The following CNTN5 variants were observed in gnomAD, a reference collection of about 807,000 sequenced individuals.
The protein encoded by CNTN5 is contactin-5.
CNTN5 carries 77 observed loss-of-function variants against 129.1 expected under a neutral mutation model. The ratio of observed to expected loss-of-function variants is 0.60; its 90% CI spans 0.50 to 0.72. The LOEUF is 0.72. Ranked by LOEUF, CNTN5 falls within the 30% of genes least tolerant of loss-of-function variation. CNTN5 has a pLI of 0.00. For missense variants in CNTN5, 1,478 were observed against 1,328.8 expected, an observed-to-expected ratio of 1.11 and a Z score of -1.75; for synonymous variants, 509 against 465.6, an observed-to-expected ratio of 1.09 and a Z score of -1.20.
chr11:99,808,975 A>C (rs1369214891), intron 3 of CNTN5, among the ~76,000 whole-genome samples: 1 of 152,146 alleles, frequency 6.6e-6, no homozygotes, highest in Non-Finnish European at 1.5e-5. Context: ...AATATAAAGA[A>C]GTTTATTTGC....
intron 3 of CNTN5, among the ~76,000 whole-genome samples, chr11:99,664,166 G>A (rs1437724865): frequency 6.6e-6 from 1 of 152,042 alleles, no homozygotes; most frequent in East Asian, 1.9e-4. Context: ...CTTTGGATGT[G>A]GGAAGACATG....
At chr11:99,833,342 A>G (rs1473997622) in intron 4 of CNTN5, among the ~76,000 whole-genome samples, 1 of 152,132 alleles carries the variant, frequency 6.6e-6, no homozygotes, top group Non-Finnish European at 1.5e-5. Context: ...AGGTAGTTTG[A>G]TTTAGAATTT....
chr11:100,256,561 G>A (rs116169592), intron 17 of CNTN5, among the ~76,000 whole-genome samples: 4,277 of 152,150 alleles, frequency 0.028, 185 homozygotes, highest in African/African-American at 0.096. Context: ...TGAGATCAAC[G>A]CAGAAGGTGG....
intron 1 of CNTN5, among the ~76,000 whole-genome samples, chr11:99,310,676 C>G (rs922917127): frequency 3.3e-5 from 5 of 152,050 alleles, no homozygotes; most frequent in Non-Finnish European, 5.9e-5. Flanking sequence ...TACTTTTATT[C>G]AATACACACT....
intron 7 of CNTN5, among the ~76,000 whole-genome samples, chr11:99,941,951 T>C (rs1950448572): frequency 1.3e-5 from 2 of 152,010 alleles, no homozygotes; most frequent in Admixed American, 1.3e-4. Flanking sequence ...AGAAAACACC[T>C]GATTTCACTA....
chr11:99,213,829 C>G (rs549769820), intron 1 of CNTN5, among the ~76,000 whole-genome samples: 4 of 152,072 alleles, frequency 2.6e-5, no homozygotes, highest in Non-Finnish European at 5.9e-5. Context: ...AGGCAGAGAT[C>G]TATCTTTTAC....
At chr11:99,899,795 G>C (rs1409043278) in intron 6 of CNTN5, among the ~76,000 whole-genome samples, 2 of 151,982 alleles carry the variant, frequency 1.3e-5, no homozygotes, top group Non-Finnish European at 2.9e-5. Flanking sequence ...AATAGTTTTA[G>C]TAAGGTTGGT....
At chr11:99,502,420 G>A (rs1014908880) in intron 2 of CNTN5, among the ~76,000 whole-genome samples, 1 of 151,954 alleles carries the variant, frequency 6.6e-6, no homozygotes, top group Non-Finnish European at 1.5e-5. Flanking sequence ...ACGGGGGTTG[G>A]GGGGGTGGTT....
intron 2 of CNTN5, among the ~76,000 whole-genome samples, chr11:99,537,592 C>A (rs1363410675): frequency 1.3e-5 from 2 of 152,128 alleles, no homozygotes; most frequent in East Asian, 3.9e-4. Flanking sequence ...TTCTCATTCT[C>A]TTTAAAAATA....
intron 13 of CNTN5, among the ~76,000 whole-genome samples, chr11:100,132,512 G>A (rs1565272094): frequency 6.6e-6 from 1 of 152,006 alleles, no homozygotes; most frequent in African/African-American, 2.4e-5. Flanking sequence ...AAATTTTAGG[G>A]GTTTTGAGAT....
rs532876780 is a variant in CNTN5, at chr11:100,041,468, A to G, written c.981-19744A>G. Among the ~76,000 whole-genome samples, 8 of 152,342 alleles carry G rather than the reference A, an allele frequency of 5.3e-5. No homozygotes were observed. In the East Asian group the frequency reaches 1.2e-3, roughly 22 times the overall value. On this transcript the variant is annotated intron_variant, in intron 9 of 24. Transcript: ENST00000524871. ...TTGCTGAGTGAACAAATGAATATAC[A>G]TGGCGTTATTTCAGAAATTTCTCTT...
chr11:100,299,128 T>G, intron 19 of CNTN5, 34 bp from the exon 20 acceptor site: 1 of 1,329,920 alleles, frequency 7.5e-7, no homozygotes. Context: ...AATCAATCAT[T>G]TTGCTGATAA....
chr11:100,047,600 A>G (rs7933249), intron 9 of CNTN5, among the ~76,000 whole-genome samples: 82,133 of 152,000 alleles, frequency 0.54, 22,843 homozygotes, highest in East Asian at 0.75. Context: ...TGGAATAAAC[A>G]AAGTATTTTG....
At chr11:99,448,502 A>G (rs368810271) in intron 2 of CNTN5, among the ~76,000 whole-genome samples, 2 of 152,098 alleles carry the variant, frequency 1.3e-5, no homozygotes, top group East Asian at 1.9e-4. Flanking sequence ...TTTCGATTTT[A>G]TAAACATTAC....
chr11:99,991,743 G>GGTTGGTTT (rs1565763423), intron 8 of CNTN5, among the ~76,000 whole-genome samples: 2 of 140,408 alleles, frequency 1.4e-5, no homozygotes, highest in East Asian at 2.1e-4. Context: ...CAGACATGCA[G>GGTTGGTTT]GTTTGTTTGT....
At chr11:99,787,413 A>G (rs1945571659) in intron 3 of CNTN5, among the ~76,000 whole-genome samples, 1 of 151,728 alleles carries the variant, frequency 6.6e-6, no homozygotes, top group African/African-American at 2.4e-5. Context: ...TTTTTAAAAC[A>G]TTACTTATAA....
In CNTN5 at chr11:99,398,553, C is replaced by T. The variant is rs145782995; in HGVS notation, c.-71+73069C>T. Among the ~76,000 whole-genome samples, 170 of 152,024 alleles carry T rather than the reference C, an allele frequency of 1.1e-3. 1 individual carries two copies. Among genetic ancestry groups the T allele is most frequent in the African/African-American group, 3.8e-3 (158 of 41,532 alleles). On this transcript the variant is annotated intron_variant, in intron 2 of 24. Transcript: ENST00000524871. ...CTCAAAACCCCTGGGAATCACTTAC[C>T]ATCCCTATTTTTTGTTTACTTTTTC...
At chr11:99,403,877 C>T (rs1451426859) in intron 2 of CNTN5, among the ~76,000 whole-genome samples, 11 of 152,036 alleles carry the variant, frequency 7.2e-5, no homozygotes, top group Non-Finnish European at 1.0e-4. Flanking sequence ...TCCATTTTGT[C>T]TATAGTCAAG....
At chr11:99,422,516 TTTTATATATATATATATATATATATA>T (rs1202172812) in intron 2 of CNTN5, among the ~76,000 whole-genome samples, 9 of 100,418 alleles carry the variant, frequency 9.0e-5, no homozygotes, top group Non-Finnish European at 1.2e-4. Flanking sequence ...TACTTTATAT[TTTTATATATATATATATATATATATA>T]TATATATATA....
Sources: allele counts gnomAD v4.1 joint callset (sites outside exome capture counted in the v4.1 genomes callset), GRCh38; gene constraint gnomAD v4.1.1; transcripts MANE v1.5; gene names NCBI Gene and HGNC (gene_info 2026-07-23, HGNC 2026-07-21).